Variants in PKP1 observed in about 807,000 individuals in gnomAD.
The protein encoded by PKP1 is plakophilin-1.
In PKP1, 27 loss-of-function variants were observed where a neutral mutation model predicts 76.4. That is an observed-to-expected ratio of 0.35 (90% CI 0.26 to 0.49). PKP1 has a LOEUF of 0.49. Ranked by LOEUF, PKP1 falls within the 20% of genes least tolerant of loss-of-function variation. The probability of loss-of-function intolerance (pLI) is 0.99; values close to 1 mark genes in which losing one functional copy is unlikely to be tolerated. For synonymous variants in PKP1, 404 were observed against 384.2 expected, an observed-to-expected ratio of 1.05 and a Z score of -0.60; for missense variants, 964 against 955.2, an observed-to-expected ratio of 1.01 and a Z score of -0.12.
At chr1:201,302,742 C>T (rs937598427) in intron 2 of PKP1, among the ~76,000 whole-genome samples, 1 of 152,202 alleles carries the variant, frequency 6.6e-6, no homozygotes, top group African/African-American at 2.4e-5. Flanking sequence ...AGCTCTAGAC[C>T]CGGAGCCCCT....
intron 3 of PKP1, among the ~76,000 whole-genome samples, chr1:201,314,494 A>G (rs1176721797): frequency 6.6e-6 from 1 of 152,102 alleles, no homozygotes; most frequent in African/African-American, 2.4e-5. Flanking sequence ...AACAACAACA[A>G]AAACCCTGAG....
chr1:201,327,578 T>C (rs1657185061), intron 12 of PKP1, among the ~76,000 whole-genome samples: 1 of 151,016 alleles, frequency 6.6e-6, no homozygotes, highest in African/African-American at 2.4e-5. Flanking sequence ...GTAATGGTGG[T>C]CCAAAGCATT....
intron 2 of PKP1, among the ~76,000 whole-genome samples, chr1:201,309,006 C>T (rs1388535770): frequency 6.6e-6 from 1 of 152,042 alleles, no homozygotes; most frequent in African/African-American, 2.4e-5. Flanking sequence ...GATGCCATCT[C>T]TTTTTGAATG....
In PKP1 at chr1:201,283,598, G is replaced by A. The variant is rs1040388826; in HGVS notation, c.-105G>A. The A allele has an allele frequency of 9.9e-7, 1 of 1,007,128 alleles. No individual in the cohort carries two copies. Among genetic ancestry groups the A allele is most frequent in the Non-Finnish European group, 1.5e-6 (1 of 658,994 alleles). 62.4% of individuals were successfully genotyped at this position (1,007,128 alleles called of 1,614,324 possible). On this transcript the variant is annotated 5_prime_UTR_variant, in exon 1 of 14. Coordinates refer to ENST00000367324, the MANE Select transcript of PKP1 (RefSeq NM_001005337.3). ...ACGCACTCTATGGCCGTAGGGAGCC[G>A]CTGAGAGCGAGAAGAGCACGCTCCT...
intron 7 of PKP1, 31 bp from the exon 8 acceptor site, chr1:201,321,947 G>C: frequency 1.9e-6 from 3 of 1,613,472 alleles, no homozygotes; most frequent in Non-Finnish European, 1.7e-6. Context: ...CCGGGCAGAG[G>C]CTCAGGCCCA....
chr1:201,328,599 T>C, intron 12 of PKP1, 163 bp from the exon 13 acceptor site: 1 of 701,898 alleles, frequency 1.4e-6, no homozygotes, highest in Non-Finnish European at 2.6e-6. Flanking sequence ...TATGTTTTGT[T>C]ACACAGTTAC....
At chr1:201,290,242 G>A (rs1233512346) in intron 1 of PKP1, among the ~76,000 whole-genome samples, 1 of 152,128 alleles carries the variant, frequency 6.6e-6, no homozygotes, top group Non-Finnish European at 1.5e-5. Context: ...AGGTTGTGTT[G>A]CTTGTATACC....
chr1:201,291,946 G>A (rs1361020468), intron 1 of PKP1, among the ~76,000 whole-genome samples: 1 of 152,218 alleles, frequency 6.6e-6, no homozygotes, highest in Non-Finnish European at 1.5e-5. Flanking sequence ...AGTCTTGCCA[G>A]AGGAGCGGTT....
intron 1 of PKP1, among the ~76,000 whole-genome samples, chr1:201,290,050 G>A (rs1655868441): frequency 1.3e-5 from 2 of 152,168 alleles, no homozygotes; most frequent in African/African-American, 4.8e-5. Context: ...CAGTTTCAAA[G>A]GTTTTGAGGC....
In PKP1 at chr1:201,323,265, C is replaced by A. The variant is rs562556510; in HGVS notation, c.1680+76C>A. On this transcript the variant is annotated intron_variant, in intron 9 of 13. Transcript: ENST00000367324. ...CGTCCAGCCTCTGCTCCCTCCTTTT[C>A]CCCCCAGCCTGTCCCCTGACTTCGG... 2.9e-6 allele frequency: 4 copies of A among 1,402,940 alleles called. No individual in the cohort carries two copies. The South Asian group carries it at 3.5e-5, about 12-fold the overall frequency. The allele number at this position is 1,402,940 out of a possible 1,614,324, so 86.9% of individuals were successfully genotyped here.
rs368619127 is a variant in PKP1 at position 201,320,261 on chromosome 1, C to T, written c.1233-6C>T. On this transcript the variant is annotated splice_region_variant and splice_polypyrimidine_tract_variant and intron_variant, in intron 6 of 13. Transcript: ENST00000367324. ...CTGCCCTCTTCCACCCTCTTCTCTC[C>T]CCCAGGAACCTGAGCTCGGCCGATG... 7 of 1,601,156 alleles carry T rather than the reference C, an allele frequency of 4.4e-6. No individual in the cohort carries two copies. The African/African-American group carries it at 9.4e-5, about 21-fold the overall frequency.
intron 7 of PKP1, among the ~76,000 whole-genome samples, chr1:201,320,791 G>A (rs1489106392): frequency 6.6e-6 from 1 of 152,176 alleles, no homozygotes. Flanking sequence ...GCTGAGGCCT[G>A]TCCTGTGACC....
chr1:201,308,359 C>T (rs1656429995), intron 2 of PKP1, among the ~76,000 whole-genome samples: 1 of 152,204 alleles, frequency 6.6e-6, no homozygotes, highest in South Asian at 2.1e-4. Flanking sequence ...AGTCACAGTC[C>T]ACCTTTCACT....
intron 7 of PKP1, among the ~76,000 whole-genome samples, chr1:201,321,396 G>T (rs1176179138): frequency 6.6e-6 from 1 of 152,162 alleles, no homozygotes; most frequent in Non-Finnish European, 1.5e-5. Context: ...GATTGACAAA[G>T]ATCTGAGCCC....
rs2030721 is a variant in PKP1, at chr1:201,319,540, G to A, written c.1233-727G>A. Among the ~76,000 whole-genome samples, 15,416 of 152,248 alleles carry A rather than the reference G, an allele frequency of 0.1. 1,130 individuals carry two copies. The highest frequency in any genetic ancestry group is 0.22 in the African/African-American group (8,965 of 41,534). On this transcript the variant is annotated intron_variant, in intron 6 of 13. Coordinates refer to ENST00000367324, the MANE Select transcript of PKP1 (RefSeq NM_001005337.3). ...TTCTCCCTGCCAGCCTCCGGTAGCA[G>A]CCTCCAGGAAGCAGAGAGGCTGGGG...
At chr1:201,298,738 G>A (rs977521516) in intron 2 of PKP1, among the ~76,000 whole-genome samples, 5 of 152,168 alleles carry the variant, frequency 3.3e-5, no homozygotes, top group African/African-American at 4.8e-5. Context: ...CCTCTTTAAC[G>A]CAGGACTTAC....
At chr1:201,305,975 GGGCCAT>G (rs1011371778) in intron 2 of PKP1, among the ~76,000 whole-genome samples, 4 of 152,192 alleles carry the variant, frequency 2.6e-5, no homozygotes, top group East Asian at 3.9e-4. Context: ...CACTTCTCTG[GGGCCAT>G]GGAAGGGAGA....
chr1:201,313,764 T>C (rs1366057439), intron 3 of PKP1, among the ~76,000 whole-genome samples: 1 of 152,232 alleles, frequency 6.6e-6, no homozygotes, highest in African/African-American at 2.4e-5. Flanking sequence ...AAGTTCTTAG[T>C]GTGAAGGTGA....
At position 201,316,683 on chromosome 1, in the gene PKP1, T is replaced by A. The variant is rs1656760543; in HGVS notation, c.832T>A (p.Ser278Thr). ...CCAGCATACCTGCTTCCAGGATGAATCTGCCAAGCAACAGGTAGCTGGTTG... is the reference window on the plus strand; with the variant it reads ...CCAGCATACCTGCTTCCAGGATGAAACTGCCAAGCAACAGGTAGCTGGTTG... Reference protein sequence around the residue: ...YIQHTCFQDESAKQQVYQLGG... With the variant: ...YIQHTCFQDETAKQQVYQLGG... The change falls in exon 4 of 14, where the codon TCT becomes ACT. Residue 278 changes from serine (S) to threonine (T), a missense_variant. Coordinates refer to ENST00000367324, the MANE Select transcript of PKP1 (RefSeq NM_001005337.3). 6.2e-7 allele frequency: 1 copy of A among 1,613,784 alleles called. No homozygotes were observed. Among genetic ancestry groups the A allele is most frequent in the African/African-American group, 1.3e-5 (1 of 74,912 alleles).
Sources: allele counts gnomAD v4.1 joint callset (sites outside exome capture counted in the v4.1 genomes callset), GRCh38; gene constraint gnomAD v4.1.1; transcripts MANE v1.5; gene names NCBI Gene and HGNC (gene_info 2026-07-23, HGNC 2026-07-21).